TNFSF4: variants seen among roughly 807,000 people sequenced by gnomAD.
The protein encoded by TNFSF4 is TNF superfamily member 4.
Under a neutral mutation model 7.3 loss-of-function variants are expected in TNFSF4, and 4 were observed. The observed-to-expected ratio is 0.55, with a 90% CI of 0.27 to 1.25. The LOEUF is 1.25. TNFSF4 is among the 50% of genes most tolerant of loss of function. TNFSF4 has a pLI of 0.12. For synonymous variants in TNFSF4, 76 were observed against 83.7 expected (o/e 0.91, Z 0.50); for missense variants, 181 against 208.8 (o/e 0.87, Z 0.82).
chr1:173,331,991 G>A, the TNFSF4 span, among the ~76,000 whole-genome samples: 1 of 152,234 alleles, frequency 6.6e-6, no homozygotes, highest in Non-Finnish European at 1.5e-5. Flanking sequence ...TCCAGGCCAG[G>A]GGTGCTGCCA....
chr1:173,300,503 CT>C, the TNFSF4 span, among the ~76,000 whole-genome samples: 7 of 151,888 alleles, frequency 4.6e-5, no homozygotes, highest in African/African-American at 1.4e-4. Context: ...CCCCAATAGT[CT>C]CTGCAAGTTT....
chr1:173,227,433 C>G, the TNFSF4 span, among the ~76,000 whole-genome samples: 26 of 152,240 alleles, frequency 1.7e-4, no homozygotes, highest in African/African-American at 6.3e-4. Context: ...TAAATTATCA[C>G]GGTAGGGGCG....
At chr1:173,205,594 G>C (rs1650153125) in intron 1 of TNFSF4, 2 of 1,167,480 alleles carry the variant, frequency 1.7e-6, no homozygotes, top group East Asian at 8.1e-5. Context: ...GTAACACTGT[G>C]GTTGTTAGAA....
chr1:173,449,122 T>G, the TNFSF4 span, among the ~76,000 whole-genome samples: 1 of 151,984 alleles, frequency 6.6e-6, no homozygotes, highest in African/African-American at 2.4e-5. Flanking sequence ...TCTTGTGAGA[T>G]CTGCTCATTT....
At chr1:173,366,520 C>CA in the TNFSF4 span, among the ~76,000 whole-genome samples, 24 of 148,846 alleles carry the variant, frequency 1.6e-4, no homozygotes, top group South Asian at 4.3e-4. Context: ...TTAATGGGTA[C>CA]AAAAAAAAAT....
chr1:173,362,966 T>C, the TNFSF4 span: 1 of 308,670 alleles, frequency 3.2e-6, no homozygotes, highest in Non-Finnish European at 6.3e-6. Context: ...CTTGTGGTTT[T>C]GACTTTTTTT....
the TNFSF4 span, among the ~76,000 whole-genome samples, chr1:173,376,889 C>T: frequency 1.3e-5 from 2 of 152,046 alleles, no homozygotes; most frequent in Non-Finnish European, 2.9e-5. Context: ...GGCTTCATTC[C>T]TGAAGTCAGT....
chr1:173,406,196 T>C, the TNFSF4 span, among the ~76,000 whole-genome samples: 1 of 152,204 alleles, frequency 6.6e-6, no homozygotes, highest in Admixed American at 6.5e-5. Flanking sequence ...CTTTGGCATA[T>C]AGTAGGCACT....
chr1:173,381,318 G>C, the TNFSF4 span, among the ~76,000 whole-genome samples: 6 of 152,148 alleles, frequency 3.9e-5, no homozygotes, highest in Admixed American at 3.9e-4. Context: ...TAACCAGTCA[G>C]GGATAGTATG....
At chr1:173,354,040 G>A in the TNFSF4 span, among the ~76,000 whole-genome samples, 1 of 151,530 alleles carries the variant, frequency 6.6e-6, no homozygotes, top group South Asian at 2.1e-4. Flanking sequence ...AATTCAAAAG[G>A]TCAACAAATC....
the TNFSF4 span, among the ~76,000 whole-genome samples, chr1:173,273,366 T>C: frequency 6.6e-6 from 1 of 152,176 alleles, no homozygotes; most frequent in African/African-American, 2.4e-5. Flanking sequence ...TCCTAGTGCC[T>C]CAAGCTAGAT....
rs573927239 is a variant in TNFSF4 at position 173,187,762 on chromosome 1, G to T, written c.202+759C>A. 2.0e-5 allele frequency among the ~76,000 whole-genome samples: 3 copies of T among 152,318 alleles called. No individual in the cohort carries two copies. The East Asian group carries it at 5.8e-4, about 29-fold the overall frequency. On this transcript the variant is annotated intron_variant, in intron 2 of 2. Transcript: ENST00000281834. ...GGCCATCCCAAGTGCAAGCCAAAAAGCCTGAACTTCTTTTATTTCCTTATT... is the reference window on the plus strand; with the variant it reads ...GGCCATCCCAAGTGCAAGCCAAAAATCCTGAACTTCTTTTATTTCCTTATT...
the TNFSF4 span, among the ~76,000 whole-genome samples, chr1:173,353,391 C>T: frequency 6.6e-6 from 1 of 152,186 alleles, no homozygotes; most frequent in African/African-American, 2.4e-5. Context: ...GTCATGGCTT[C>T]AGCAGGTCCC....
the TNFSF4 span, among the ~76,000 whole-genome samples, chr1:173,344,302 G>T: frequency 6.6e-6 from 1 of 152,188 alleles, no homozygotes; most frequent in Non-Finnish European, 1.5e-5. Flanking sequence ...TGGCAGTATG[G>T]CATGGGGGAA....
At chr1:173,325,660 G>A in the TNFSF4 span, among the ~76,000 whole-genome samples, 14 of 151,956 alleles carry the variant, frequency 9.2e-5, no homozygotes, top group South Asian at 4.2e-4. Flanking sequence ...TCAAATAGAC[G>A]CAATAAAAAA....
At chr1:173,250,653 G>A in the TNFSF4 span, among the ~76,000 whole-genome samples, 10 of 151,988 alleles carry the variant, frequency 6.6e-5, no homozygotes, top group Non-Finnish European at 1.3e-4. Context: ...TAGAGACGGG[G>A]TTTCACCATG....
the TNFSF4 span, among the ~76,000 whole-genome samples, chr1:173,438,262 T>G: frequency 3.3e-5 from 5 of 152,182 alleles, no homozygotes; most frequent in Non-Finnish European, 7.4e-5. Flanking sequence ...ATACATTTTA[T>G]AAATTGTTTT....
chr1:173,385,772 G>C, the TNFSF4 span, among the ~76,000 whole-genome samples: 4 of 152,268 alleles, frequency 2.6e-5, no homozygotes, highest in South Asian at 6.2e-4. Flanking sequence ...CTGGGAGACA[G>C]ATGTTTCAGT....
chr1:173,236,553 T>C, the TNFSF4 span, among the ~76,000 whole-genome samples: 1 of 152,154 alleles, frequency 6.6e-6, no homozygotes, highest in African/African-American at 2.4e-5. Flanking sequence ...GTTTATTGTT[T>C]AGTCACAATA....
Sources: allele counts gnomAD v4.1 joint callset (sites outside exome capture counted in the v4.1 genomes callset), GRCh38; gene constraint gnomAD v4.1.1; transcripts MANE v1.5; gene names NCBI Gene and HGNC (gene_info 2026-07-23, HGNC 2026-07-21).